CLYBL: variants seen among roughly 807,000 people sequenced by gnomAD.
CLYBL encodes citramalyl-CoA lyase, mitochondrial.
Under a neutral mutation model 38.9 loss-of-function variants are expected in CLYBL, and 31 were observed. The observed-to-expected ratio is 0.80, with a 90% CI of 0.60 to 1.08. The LOEUF (loss-of-function observed/expected upper bound fraction) is 1.08. Ranked by LOEUF, CLYBL falls within the 50% of genes least tolerant of loss-of-function variation. The pLI is 0.00. For missense variants in CLYBL, 434 were observed against 411.6 expected, an observed-to-expected ratio of 1.05 and a Z score of -0.47; for synonymous variants, 171 against 158.6, an observed-to-expected ratio of 1.08 and a Z score of -0.59.
chr13:99,768,188 T>C (rs1687708391), intron 1 of CLYBL, among the ~76,000 whole-genome samples: 1 of 110,438 alleles, frequency 9.1e-6, no homozygotes, highest in South Asian at 3.0e-4. Context: ...AGTCTTTTCT[T>C]TTTCTTTTTT....
At chr13:99,613,556 A>T (rs2046661961) in intron 1 of CLYBL, among the ~76,000 whole-genome samples, 1 of 151,420 alleles carries the variant, frequency 6.6e-6, no homozygotes, top group African/African-American at 2.5e-5. Context: ...CCACTAAGGG[A>T]AAAAGGGAGG....
At chr13:99,668,746 G>A (rs570030191) in intron 1 of CLYBL, among the ~76,000 whole-genome samples, 2 of 152,212 alleles carry the variant, frequency 1.3e-5, no homozygotes, top group Middle Eastern at 3.4e-3. Context: ...CCAGCCTGCC[G>A]GGCTTCTGGG....
chr13:99,675,721 G>A (rs1450057373), intron 1 of CLYBL, among the ~76,000 whole-genome samples: 2 of 152,136 alleles, frequency 1.3e-5, no homozygotes, highest in Non-Finnish European at 2.9e-5. Context: ...CCTTTTTAGG[G>A]CCAAATAATA....
intron 1 of CLYBL, chr13:99,727,429 G>T (rs1232492045): frequency 6.6e-6 from 1 of 152,006 alleles, no homozygotes; most frequent in Non-Finnish European, 1.5e-5. Context: ...TCTCAAAAGG[G>T]CAGGCAGGGC....
At chr13:99,877,571 C>CTTTTTT (rs561372911) in intron 7 of CLYBL, 152 of 214,864 alleles carry the variant, frequency 7.1e-4, no homozygotes, top group Middle Eastern at 2.0e-3. Context: ...TTTTGTAATT[C>CTTTTTT]TTTTTTTTTT....
intron 2 of CLYBL, among the ~76,000 whole-genome samples, chr13:99,787,297 G>A (rs1388743906): frequency 2.0e-5 from 3 of 152,140 alleles, no homozygotes; most frequent in African/African-American, 4.8e-5. Context: ...GAATGGTATC[G>A]CCTAGGTTTT....
At chr13:99,754,914 T>C (rs1683038708) in intron 1 of CLYBL, among the ~76,000 whole-genome samples, 1 of 150,488 alleles carries the variant, frequency 6.6e-6, no homozygotes, top group South Asian at 2.1e-4. Flanking sequence ...TTTTTTTTTT[T>C]TGAGACGGAG....
At chr13:99,649,625 G>C (rs1399438240) in intron 1 of CLYBL, among the ~76,000 whole-genome samples, 1 of 152,078 alleles carries the variant, frequency 6.6e-6, no homozygotes, top group African/African-American at 2.4e-5. Context: ...CAGCACTTTG[G>C]GAGGCCAAAT....
chr13:99,692,859 C>T (rs138057755), intron 1 of CLYBL, among the ~76,000 whole-genome samples: 1 of 152,246 alleles, frequency 6.6e-6, no homozygotes, highest in Non-Finnish European at 1.5e-5. Context: ...TTCCTTCACT[C>T]TGCATAATGT....
chr13:99,845,539 G>A (rs1393323005), intron 2 of CLYBL, among the ~76,000 whole-genome samples: 1 of 152,200 alleles, frequency 6.6e-6, no homozygotes, highest in African/African-American at 2.4e-5. Context: ...AAAGCGCGAT[G>A]GAAATCAAAT....
chr13:99,690,956 C>A (rs1209061813), intron 1 of CLYBL: 1 of 152,210 alleles, frequency 6.6e-6, no homozygotes, highest in African/African-American at 2.4e-5. Context: ...TGAGACCTAC[C>A]GTGTTTTGTT....
At chr13:99,647,729 A>G (rs1432017919) in intron 1 of CLYBL, among the ~76,000 whole-genome samples, 2 of 152,216 alleles carry the variant, frequency 1.3e-5, no homozygotes, top group African/African-American at 4.8e-5. Context: ...TGGAGATATT[A>G]GAAGCAAATT....
At chr13:99,787,164 T>C (rs2138869616) in intron 2 of CLYBL, among the ~76,000 whole-genome samples, 2 of 152,314 alleles carry the variant, frequency 1.3e-5, no homozygotes, top group East Asian at 3.9e-4. Flanking sequence ...GCCTGTTCAC[T>C]CTGATGGTAG....
intron 1 of CLYBL, among the ~76,000 whole-genome samples, chr13:99,652,668 G>A (rs1191192472): frequency 6.6e-6 from 1 of 152,226 alleles, no homozygotes; most frequent in Non-Finnish European, 1.5e-5. Context: ...TGGATGAGGT[G>A]CGAAAGGGTC....
intron 1 of CLYBL, 77 bp from the exon 2 acceptor site, chr13:99,772,747 C>A: frequency 8.7e-7 from 1 of 1,143,302 alleles, no homozygotes; most frequent in Non-Finnish European, 1.2e-6. Context: ...TTTAATTTTG[C>A]ATTAAAATAT....
chr13:99,735,977 T>G (rs1248308814), intron 1 of CLYBL, among the ~76,000 whole-genome samples: 1 of 152,062 alleles, frequency 6.6e-6, no homozygotes, highest in Non-Finnish European at 1.5e-5. Context: ...AGGAAGGGTC[T>G]TCTTAAAGGA....
At chr13:99,609,726 A>C (rs566769184) in intron 1 of CLYBL, among the ~76,000 whole-genome samples, 23 of 151,924 alleles carry the variant, frequency 1.5e-4, no homozygotes, top group African/African-American at 5.3e-4. Flanking sequence ...TTTTGTAGAA[A>C]TCAGGTTTCG....
chr13:99,789,121 A>G (rs2049862412), intron 2 of CLYBL, among the ~76,000 whole-genome samples: 1 of 151,794 alleles, frequency 6.6e-6, no homozygotes, highest in Non-Finnish European at 1.5e-5. Flanking sequence ...GCGGTCTATC[A>G]ATTTTGTTAA....
At chr13:99,717,992 C>A (rs544418388) in intron 1 of CLYBL, among the ~76,000 whole-genome samples, 73 of 151,908 alleles carry the variant, frequency 4.8e-4, no homozygotes, top group Admixed American at 1.8e-3. Flanking sequence ...AAGTTTATTG[C>A]CATAAAGTTG....
Sources: gnomAD v4.1 joint callset for allele counts (sites outside exome capture counted in the v4.1 genomes callset) on GRCh38, gnomAD v4.1.1 for gene constraint, MANE v1.5 for transcripts, NCBI Gene and HGNC (gene_info 2026-07-23, HGNC 2026-07-21) for gene names.